The following MYO1E variants were observed in gnomAD, a reference collection of about 807,000 sequenced individuals.
MYO1E encodes the protein myosin IE, also known as unconventional myosin-Ie.
Under a neutral mutation model 151.1 loss-of-function variants are expected in MYO1E, and 68 were observed. The observed-to-expected ratio is 0.45, with a 90% CI of 0.37 to 0.55. MYO1E has a LOEUF of 0.55. Ranked by LOEUF, MYO1E falls within the 20% of genes least tolerant of loss-of-function variation. MYO1E has a pLI of 0.00. For missense variants in MYO1E, 1,363 were observed against 1,389.3 expected, an observed-to-expected ratio of 0.98 and a Z score of 0.30; for synonymous variants, 601 against 501.7, an observed-to-expected ratio of 1.20 and a Z score of -2.64.
At chr15:59,181,645 G>C (rs112541666) in intron 18 of MYO1E, among the ~76,000 whole-genome samples, 1,865 of 152,316 alleles carry the variant, frequency 0.012, 21 homozygotes, top group Middle Eastern at 0.02. Context: ...AAATATAAAG[G>C]ATTTTCCAGA....
At chr15:59,309,045 C>T (rs1424150349) in intron 1 of MYO1E, among the ~76,000 whole-genome samples, 5 of 150,940 alleles carry the variant, frequency 3.3e-5, no homozygotes, top group African/African-American at 1.2e-4. Flanking sequence ...CCTGGGAGTT[C>T]GGAAGCTACA....
At chr15:59,288,066 C>T (rs781747687) in intron 1 of MYO1E, among the ~76,000 whole-genome samples, 1 of 152,258 alleles carries the variant, frequency 6.6e-6, no homozygotes, top group Non-Finnish European at 1.5e-5. Flanking sequence ...ACAGTTCTCA[C>T]TTTGCAAACA....
At chr15:59,353,309 A>T (rs2080834027) in intron 1 of MYO1E, among the ~76,000 whole-genome samples, 1 of 138,902 alleles carries the variant, frequency 7.2e-6, no homozygotes, top group South Asian at 2.3e-4. Context: ...GTGAGCTGTG[A>T]TGGCACCACT....
At chr15:59,149,720 A>C (rs2079464980) in intron 26 of MYO1E, among the ~76,000 whole-genome samples, 1 of 152,234 alleles carries the variant, frequency 6.6e-6, no homozygotes, top group Admixed American at 6.5e-5. Context: ...TAAATTACAG[A>C]AAAAGTGCAC....
intron 23 of MYO1E, 138 bp from the exon 24 acceptor site, chr15:59,161,368 C>T (rs2079537446): frequency 2.0e-6 from 2 of 990,942 alleles, no homozygotes; most frequent in African/African-American, 1.6e-5. Context: ...GGAGCAGGGC[C>T]CTGAGGATGC....
chr15:59,333,254 T>C (rs1449124145), intron 1 of MYO1E, among the ~76,000 whole-genome samples: 1 of 152,108 alleles, frequency 6.6e-6, no homozygotes, highest in African/African-American at 2.4e-5. Context: ...CTTTTTCTTT[T>C]TTGGAGACAG....
Position 59,372,531 on chromosome 15 carries a change from G to T in MYO1E, c.-31C>A. 6.5e-7 allele frequency: 1 copy of T among 1,535,342 alleles called. No individual in the cohort carries two copies. Among genetic ancestry groups the T allele is most frequent in the Non-Finnish European group, 8.8e-7 (1 of 1,140,700 alleles). On this transcript the variant is annotated 5_prime_UTR_variant, in exon 1 of 28. Transcript: ENST00000288235. ...CTCGCGCCGCGGTCGCGTCTTCGCC[G>T]GGTCCCGCTGCCGGGGAACTGGGGC...
intron 4 of MYO1E, among the ~76,000 whole-genome samples, chr15:59,251,144 C>G (rs1306891709): frequency 6.6e-6 from 1 of 152,144 alleles, no homozygotes; most frequent in African/African-American, 2.4e-5. Context: ...TCGGTGACCT[C>G]CGCTTAGTAT....
chr15:59,300,572 C>G (rs1049989276), intron 1 of MYO1E, among the ~76,000 whole-genome samples: 1 of 152,176 alleles, frequency 6.6e-6, no homozygotes, highest in Non-Finnish European at 1.5e-5. Flanking sequence ...TGCGGTCACA[C>G]TTTTTGAAAC....
chr15:59,137,997 G>A (rs2079383305), intron 27 of MYO1E, among the ~76,000 whole-genome samples: 1 of 152,126 alleles, frequency 6.6e-6, no homozygotes, highest in African/African-American at 2.4e-5. Context: ...GACAAGGGAG[G>A]GAATATAAAT....
chr15:59,228,491 A>C (rs2140352949), intron 6 of MYO1E, among the ~76,000 whole-genome samples: 1 of 151,402 alleles, frequency 6.6e-6, no homozygotes, highest in Non-Finnish European at 1.5e-5. Flanking sequence ...AAAATGAATC[A>C]AAATTATATA....
At chr15:59,263,928 C>T (rs2080238628) in intron 2 of MYO1E, among the ~76,000 whole-genome samples, 1 of 152,076 alleles carries the variant, frequency 6.6e-6, no homozygotes, top group Non-Finnish European at 1.5e-5. Flanking sequence ...AATTATCAAG[C>T]AGGTAAGACG....
At chr15:59,303,779 C>A (rs1484606117) in intron 1 of MYO1E, among the ~76,000 whole-genome samples, 1 of 152,040 alleles carries the variant, frequency 6.6e-6, no homozygotes, top group Admixed American at 6.5e-5. Flanking sequence ...AGTGACTGCA[C>A]ACAAAACCAT....
intron 22 of MYO1E, among the ~76,000 whole-genome samples, chr15:59,169,592 C>A (rs1178117213): frequency 1.3e-5 from 2 of 151,910 alleles, no homozygotes; most frequent in Non-Finnish European, 2.9e-5. Context: ...GTCAGAAAAA[C>A]TTTTAGGCTA....
intron 1 of MYO1E, among the ~76,000 whole-genome samples, chr15:59,278,736 G>A (rs1336773501): frequency 2.6e-5 from 4 of 152,172 alleles, no homozygotes; most frequent in Non-Finnish European, 4.4e-5. Flanking sequence ...ATGGGGGACA[G>A]GGTAGTCAGT....
rs1354146011 is a variant in MYO1E, at chr15:59,133,642, GA to G, written c.*3737del. ...AACAGGGAAAGAGGGCAGAATTGCA[GA>G]AAGGCTCCTCTGGTCTTTCTTTTGA... is the stretch of plus-strand genomic sequence containing the variant. On this transcript the variant is annotated 3_prime_UTR_variant, in exon 28 of 28. Coordinates refer to ENST00000288235, the MANE Select transcript of MYO1E (RefSeq NM_004998.4). 3 of 152,230 alleles carry G rather than the reference GA, an allele frequency of 2.0e-5. No homozygotes were observed. Among genetic ancestry groups the G allele is most frequent in the Non-Finnish European group, 4.4e-5 (3 of 68,070 alleles). The allele number at this position is 152,230 out of a possible 1,614,324, so 9.4% of individuals were successfully genotyped here. A position where few individuals can be genotyped will look rare whatever the true frequency, so the allele number is the denominator to read the frequency against.
intron 1 of MYO1E, among the ~76,000 whole-genome samples, chr15:59,279,714 A>G (rs1045274446): frequency 4.6e-5 from 7 of 152,216 alleles, no homozygotes; most frequent in Admixed American, 6.5e-5. Flanking sequence ...AGTGCATGGA[A>G]GGTGCACACC....
chr15:59,209,347 T>C (rs1324214774), intron 13 of MYO1E, among the ~76,000 whole-genome samples: 1 of 152,196 alleles, frequency 6.6e-6, no homozygotes, highest in Non-Finnish European at 1.5e-5. Flanking sequence ...TTAATGGCTA[T>C]ACTTCTCTGT....
intron 1 of MYO1E, among the ~76,000 whole-genome samples, chr15:59,347,728 A>G (rs763564458): frequency 6.6e-6 from 1 of 152,134 alleles, no homozygotes; most frequent in African/African-American, 2.4e-5. Flanking sequence ...ACAACAGGAG[A>G]CAAAGAATGC....
Sources: allele counts gnomAD v4.1 joint callset (sites outside exome capture counted in the v4.1 genomes callset), GRCh38; gene constraint gnomAD v4.1.1; transcripts MANE v1.5; gene names NCBI Gene and HGNC (gene_info 2026-07-23, HGNC 2026-07-21).